MAGI2: variants seen among roughly 807,000 people sequenced by gnomAD.
The protein encoded by MAGI2 is membrane-associated guanylate kinase, WW and PDZ domain-containing protein 2.
A neutral mutation model predicts 133.3 loss-of-function variants in MAGI2; 35 were observed. The observed-to-expected ratio is 0.26, with a 90% CI of 0.20 to 0.35. The LOEUF (loss-of-function observed/expected upper bound fraction) is 0.35, where lower values mean the gene tolerates loss of function less well. MAGI2 is among the 10% of genes least tolerant of loss of function. The probability of loss-of-function intolerance (pLI) is 1.00; values close to 1 mark genes in which losing one functional copy is unlikely to be tolerated. For missense variants in MAGI2, 1,636 were observed against 1,863.4 expected (o/e 0.88, Z 2.25); for synonymous variants, 729 against 710.6 (o/e 1.03, Z -0.41).
intron 1 of MAGI2, among the ~76,000 whole-genome samples, chr7:79,172,601 A>C (rs1448975208): frequency 6.6e-6 from 1 of 152,056 alleles, no homozygotes; most frequent in African/African-American, 2.4e-5. Context: ...ATGCTCTATG[A>C]TTTTATACTT....
intron 2 of MAGI2, among the ~76,000 whole-genome samples, chr7:78,918,636 T>C (rs1290909172): frequency 1.3e-5 from 2 of 152,134 alleles, no homozygotes; most frequent in African/African-American, 2.4e-5. Context: ...CACCACACAA[T>C]AGATATCAAC....
chr7:78,653,752 G>T (rs1281621392), intron 2 of MAGI2, among the ~76,000 whole-genome samples: 2 of 143,306 alleles, frequency 1.4e-5, no homozygotes, highest in Admixed American at 7.2e-5. Flanking sequence ...TTCTGCACCT[G>T]TATCTCAGAA....
chr7:78,321,283 T>G (rs1187609321), intron 9 of MAGI2, among the ~76,000 whole-genome samples: 1 of 152,138 alleles, frequency 6.6e-6, no homozygotes, highest in Non-Finnish European at 1.5e-5. Flanking sequence ...AAATTTCATA[T>G]GGAACCAAAA....
chr7:78,245,473 C>T (rs12534011), intron 10 of MAGI2, among the ~76,000 whole-genome samples: 25,642 of 152,092 alleles, frequency 0.17, 2,624 homozygotes, highest in East Asian at 0.32. Flanking sequence ...CCCACAAGGA[C>T]AGTCCAAACA....
At chr7:78,834,695 A>C (rs1791464609) in intron 2 of MAGI2, among the ~76,000 whole-genome samples, 1 of 152,146 alleles carries the variant, frequency 6.6e-6, no homozygotes, top group African/African-American at 2.4e-5. Context: ...ATATTGATAT[A>C]GTTTGGGTAT....
At chr7:79,421,183 T>C (rs1846932584) in intron 1 of MAGI2, among the ~76,000 whole-genome samples, 1 of 152,028 alleles carries the variant, frequency 6.6e-6, no homozygotes, top group African/African-American at 2.4e-5. Context: ...ATTATTACTG[T>C]AATCACAGCT....
chr7:78,760,361 CTTT>C (rs71085562), intron 2 of MAGI2, among the ~76,000 whole-genome samples: 4 of 124,624 alleles, frequency 3.2e-5, no homozygotes, highest in Non-Finnish European at 3.3e-5. Flanking sequence ...TTAATTCTCT[CTTT>C]TTTTTTTTTT....
At chr7:79,170,337 T>C (rs747164566) in intron 1 of MAGI2, among the ~76,000 whole-genome samples, 2 of 151,528 alleles carry the variant, frequency 1.3e-5, no homozygotes, top group Non-Finnish European at 2.9e-5. Flanking sequence ...CATTCCTGGC[T>C]AATGTTTTAA....
chr7:78,935,038 C>A (rs1320961344), intron 2 of MAGI2, among the ~76,000 whole-genome samples: 1 of 152,096 alleles, frequency 6.6e-6, no homozygotes, highest in Non-Finnish European at 1.5e-5. Flanking sequence ...GAGACACTTA[C>A]AAAGATCACC....
intron 12 of MAGI2, among the ~76,000 whole-genome samples, chr7:78,186,172 A>G (rs1827677189): frequency 6.6e-6 from 1 of 152,150 alleles, no homozygotes; most frequent in Non-Finnish European, 1.5e-5. Flanking sequence ...ATTATGTATA[A>G]GTAGTTGAGT....
At chr7:79,388,685 T>C (rs1585800860) in intron 1 of MAGI2, among the ~76,000 whole-genome samples, 1 of 151,230 alleles carries the variant, frequency 6.6e-6, no homozygotes, top group South Asian at 2.1e-4. Flanking sequence ...GAGTGGGAGG[T>C]CATCTAGTTC....
At chr7:78,792,089 G>T (rs58905285) in intron 2 of MAGI2, among the ~76,000 whole-genome samples, 6,543 of 152,142 alleles carry the variant, frequency 0.043, 402 homozygotes, top group African/African-American at 0.14. Context: ...AATAAGCCTA[G>T]ATTCACTATA....
Position 78,507,630 on chromosome 7 carries a change from G to A in MAGI2, c.755-5843C>T, listed in dbSNP as rs537710384. Among the ~76,000 whole-genome samples, 15 of 152,228 alleles carry A rather than the reference G, an allele frequency of 9.9e-5. 1 individual carries two copies. In the South Asian group the frequency reaches 3.1e-3, roughly 32 times the overall value. The stretch of plus-strand genomic sequence containing the variant: ...ATATAGAGTACTACAATAATGATTT[G>A]TTAAGTGATACTCAATGACATAAAA... On this transcript the variant is annotated intron_variant, in intron 4 of 21. Coordinates refer to ENST00000354212, the MANE Select transcript of MAGI2 (RefSeq NM_012301.4).
At chr7:78,905,724 CTAATT>C (rs1350380373) in intron 2 of MAGI2, among the ~76,000 whole-genome samples, 1 of 152,072 alleles carries the variant, frequency 6.6e-6, no homozygotes, top group Admixed American at 6.5e-5. Context: ...TAAATCTCCT[CTAATT>C]TAATTTAAGG....
In MAGI2 at chr7:78,019,306, C is replaced by T; in HGVS notation, c.*9G>A. ...GCCGGGGCGGGCGGGTTGGCCGTGGCCGCGCGGCTCATCTGCTGGCGGCCG... is the reference window on the plus strand; with the variant it reads ...GCCGGGGCGGGCGGGTTGGCCGTGGTCGCGCGGCTCATCTGCTGGCGGCCG... On this transcript the variant is annotated 3_prime_UTR_variant, in exon 22 of 22. Coordinates refer to ENST00000354212, the MANE Select transcript of MAGI2 (RefSeq NM_012301.4). The T allele has an allele frequency of 6.4e-7, 1 of 1,568,696 alleles. No individual in the cohort carries two copies. Among genetic ancestry groups the T allele is most frequent in the Non-Finnish European group, 8.6e-7 (1 of 1,167,134 alleles).
intron 2 of MAGI2, among the ~76,000 whole-genome samples, chr7:78,974,095 T>C (rs1804025625): frequency 6.6e-6 from 1 of 151,844 alleles, no homozygotes; most frequent in African/African-American, 2.4e-5. Context: ...TCTTTCTAAA[T>C]TTGAAATGAA....
chr7:78,360,588 A>C (rs546282399), intron 7 of MAGI2, among the ~76,000 whole-genome samples: 70 of 152,346 alleles, frequency 4.6e-4, no homozygotes, highest in African/African-American at 1.5e-3. Flanking sequence ...ATAATAGAAT[A>C]ATCATCATCT....
At chr7:78,882,408 T>C (rs1584267363) in intron 2 of MAGI2, among the ~76,000 whole-genome samples, 1 of 151,926 alleles carries the variant, frequency 6.6e-6, no homozygotes, top group Admixed American at 6.6e-5. Flanking sequence ...CGCGACCAGA[T>C]TGATTCACAG....
intron 10 of MAGI2, among the ~76,000 whole-genome samples, chr7:78,207,912 C>G (rs1393618966): frequency 6.6e-6 from 1 of 152,154 alleles, no homozygotes. Context: ...GAGTCTCACT[C>G]TGTCACTCAG....
Sources: allele counts gnomAD v4.1 joint callset (sites outside exome capture counted in the v4.1 genomes callset), GRCh38; gene constraint gnomAD v4.1.1; transcripts MANE v1.5; gene names NCBI Gene and HGNC (gene_info 2026-07-23, HGNC 2026-07-21).